Variants in PIK3C2B observed in about 807,000 individuals in gnomAD.
PIK3C2B encodes the protein phosphatidylinositol-4-phosphate 3-kinase catalytic subunit type 2 beta, also known as phosphatidylinositol 4-phosphate 3-kinase C2 domain-containing subunit beta.
In PIK3C2B, 83 loss-of-function variants were observed where a neutral mutation model predicts 184.3. That is an observed-to-expected ratio of 0.45 (90% CI 0.38 to 0.54). The LOEUF (loss-of-function observed/expected upper bound fraction) is 0.54, where lower values mean the gene tolerates loss of function less well. Ranked by LOEUF, PIK3C2B falls within the 20% of genes least tolerant of loss-of-function variation. The pLI is 0.00. For synonymous variants in PIK3C2B, 779 were observed against 837.6 expected, an observed-to-expected ratio of 0.93 and a Z score of 1.21; for missense variants, 1,736 against 2,113.5, an observed-to-expected ratio of 0.82 and a Z score of 3.50.
Position 204,432,667 on chromosome 1 carries a change from AACTC to A in PIK3C2B, c.3954-270_3954-267del, listed in dbSNP as rs551266188. On this transcript the variant is annotated intron_variant, in intron 26 of 32. Transcript: ENST00000684373. ...CAAACCAAGGTAGAAAGGAACTAGG[AACTC>A]ACTCTCTCTGTGTAAATGTCTAAAT... Among the ~76,000 whole-genome samples, 9 of 152,336 alleles carry A rather than the reference AACTC, an allele frequency of 5.9e-5. No individual in the cohort carries two copies. In the South Asian group the frequency reaches 1.7e-3, roughly 28 times the overall value.
At chr1:204,435,291 T>C (rs1675282268) in intron 23 of PIK3C2B, 1 of 152,118 alleles carries the variant, frequency 6.6e-6, no homozygotes, top group South Asian at 2.1e-4. Context: ...GTTGACTCCA[T>C]CTTATTTTGT....
rs945138969 is a variant in PIK3C2B, at chr1:204,447,174, G to A, written c.2489+262C>T. On this transcript the variant is annotated intron_variant, in intron 15 of 32. Transcript: ENST00000684373. This position sits in a 1 kb window ranked among gnomAD's most constrained non-coding sequence, Gnocchi z 4.1. ...TAGCACATCTGGGATGTGGGGCAGA[G>A]CTCTGGTCCTCCTGGGTAGCTGAGT... Among the ~76,000 whole-genome samples, 1 of 152,190 alleles carries A rather than the reference G, an allele frequency of 6.6e-6. No homozygotes were observed. The highest frequency in any genetic ancestry group is 2.4e-5 in the African/African-American group (1 of 41,440).
At chr1:204,446,236 A>T (rs1043690799) in intron 15 of PIK3C2B, 92 bp from the exon 16 acceptor site, 2 of 840,890 alleles carry the variant, frequency 2.4e-6, no homozygotes, top group Non-Finnish European at 3.7e-6. Context: ...CTTACCCTCA[A>T]GGGAGTGCTG....
chr1:204,461,471 A>T (rs1286561370), intron 5 of PIK3C2B, among the ~76,000 whole-genome samples: 1 of 152,130 alleles, frequency 6.6e-6, no homozygotes, highest in Non-Finnish European at 1.5e-5. Flanking sequence ...TGGCCTCAGC[A>T]GCTGGGTAAC....
chr1:204,475,024 G>A (rs1656608365), intron 1 of PIK3C2B, among the ~76,000 whole-genome samples: 2 of 151,894 alleles, frequency 1.3e-5, no homozygotes, highest in Non-Finnish European at 1.5e-5. Context: ...CCTAACTGTG[G>A]TTGCCCTAAT....
intron 12 of PIK3C2B, 80 bp downstream of exon 12, chr1:204,454,568 TTTATCATTAGTCCTGGACTAG>T: frequency 8.1e-7 from 1 of 1,237,054 alleles, no homozygotes; most frequent in South Asian, 1.5e-5. Flanking sequence ...GGAGCCTGGT[TTTATCATTAGTCCTGGACTAG>T]TTATCTGGCC....
intron 1 of PIK3C2B, among the ~76,000 whole-genome samples, chr1:204,480,059 A>G (rs1404387441): frequency 6.6e-6 from 1 of 152,110 alleles, no homozygotes; most frequent in East Asian, 1.9e-4. Flanking sequence ...GCAAGGAGCA[A>G]GGAGGCAGTG....
intron 2 of PIK3C2B, chr1:204,467,032 C>A (rs779294945): frequency 2.2e-6 from 1 of 456,872 alleles, no homozygotes; most frequent in Non-Finnish European, 4.5e-6. Context: ...AGGACCAAGG[C>A]CGCATTTCCC....
Position 204,464,599 on chromosome 1 carries a change from C to G in PIK3C2B, c.1040G>C (p.Arg347Pro). 1 of 1,613,694 alleles carries G rather than the reference C, an allele frequency of 6.2e-7. No individual in the cohort carries two copies. The highest frequency in any genetic ancestry group is 8.5e-7 in the Non-Finnish European group (1 of 1,179,832). ...GTAGTCTTGGATGTCAGAGCCAGATCGAAGGCTGTACAGGAAGAAAAAAAA... is the reference window on the plus strand; with the variant it reads ...GTAGTCTTGGATGTCAGAGCCAGATGGAAGGCTGTACAGGAAGAAAAAAAA... ...AAFCHMLDIL[R>P]SGSDIQDYFL... Residue 347 changes from arginine (R) to proline (P), a missense_variant, in exon 4 of 33, where the codon CGA (arginine) becomes CCA (proline). Arg to Pro is a moderately radical substitution (Grantham distance 103). Transcript: ENST00000684373.
In PIK3C2B at chr1:204,471,748, A is replaced by C. The variant is rs528377140; in HGVS notation, c.-84-1862T>G. 5.3e-5 allele frequency among the ~76,000 whole-genome samples: 8 copies of C among 152,368 alleles called. No individual in the cohort carries two copies. In the East Asian group the frequency reaches 1.5e-3, roughly 29 times the overall value. ...ATTCTCACATGTCAAAACTTATCAA[A>C]TTACACACTTTCAATCTGTATATTT... is the stretch of plus-strand genomic sequence containing the variant. On this transcript the variant is annotated intron_variant, in intron 1 of 32. Transcript: ENST00000684373.
chr1:204,490,818 G>A lies in PIK3C2B; in HGVS notation c.-85+3538C>T, dbSNP rs148484526. 6.0e-3 allele frequency among the ~76,000 whole-genome samples: 905 copies of A among 149,996 alleles called. 5 individuals carry two copies. The highest frequency in any genetic ancestry group is 9.4e-3 in the Non-Finnish European group (639 of 67,674). ...CCCTCAAGTTTCATTTTATAAAACA[G>A]ATGCAAAATAAAGCAGATATGAAAA... is the stretch of plus-strand genomic sequence containing the variant. On this transcript the variant is annotated intron_variant, in intron 1 of 32. Coordinates refer to ENST00000684373, the MANE Select transcript of PIK3C2B (RefSeq NM_001377334.1).
At chr1:204,446,197 G>C in intron 15 of PIK3C2B, 53 bp from the exon 16 acceptor site, 1 of 1,325,934 alleles carries the variant, frequency 7.5e-7, no homozygotes, top group Admixed American at 2.2e-5. Context: ...GGCAGTGAGA[G>C]AGAACAGCAT....
At chr1:204,451,916 T>G (rs535732569) in intron 12 of PIK3C2B, among the ~76,000 whole-genome samples, 1 of 152,264 alleles carries the variant, frequency 6.6e-6, no homozygotes, top group Non-Finnish European at 1.5e-5. Flanking sequence ...TCCTGTAGGG[T>G]AGGCCCTATT....
At chr1:204,489,200 C>G (rs1398148) in intron 1 of PIK3C2B, among the ~76,000 whole-genome samples, 94,273 of 151,992 alleles carry the variant, frequency 0.62, 31,089 homozygotes, top group Non-Finnish European at 0.72. Context: ...ACCCAGGCTA[C>G]AGTGAAACCT....
At chr1:204,454,988 T>C (rs1654709136) in intron 11 of PIK3C2B, among the ~76,000 whole-genome samples, 197 bp from the exon 12 acceptor site, 1 of 152,140 alleles carries the variant, frequency 6.6e-6, no homozygotes, top group South Asian at 2.1e-4. Context: ...TCAATCTAGA[T>C]TCCTCTGCTC....
intron 10 of PIK3C2B, 26 bp from the exon 11 acceptor site, chr1:204,456,077 A>G: frequency 6.3e-7 from 1 of 1,599,996 alleles, no homozygotes; most frequent in Non-Finnish European, 8.5e-7. Context: ...GTCAGAAGGG[A>G]AAGTCATGAG....
chr1:204,449,344 G>A (rs760818501), intron 13 of PIK3C2B, 48 bp from the exon 14 acceptor site: 1 of 1,385,976 alleles, frequency 7.2e-7, no homozygotes, highest in Admixed American at 1.9e-5. Flanking sequence ...GCTAAGCAGA[G>A]AATATTTCTA....
At chr1:204,470,168 C>CTTT (rs34940315) in intron 1 of PIK3C2B, among the ~76,000 whole-genome samples, 47 of 138,188 alleles carry the variant, frequency 3.4e-4, no homozygotes, top group African/African-American at 1.1e-3. Context: ...AGAGAGGCAC[C>CTTT]TTTTTTTTTT....
rs1656087800 is a variant in PIK3C2B, at chr1:204,469,199, G to C, written c.604C>G (p.Leu202Val). The stretch of plus-strand genomic sequence containing the variant: ...TCTTCTAGGATCCGATGCTCTAGCA[G>C]TTTGCCCGGCAATTGTTCGACCAAA... The part of the protein sequence containing the change: ...FSLVEQLPGK[L>V]LEHRILEEEE... Residue 202 changes from leucine (L) to valine (V), a missense_variant, in exon 2 of 33, where the codon CTG (leucine) becomes GTG (valine). Transcript: ENST00000684373. 6.2e-7 allele frequency: 1 copy of C among 1,612,046 alleles called. No homozygotes were observed. The highest frequency in any genetic ancestry group is 1.3e-5 in the African/African-American group (1 of 74,872).
Sources: allele counts gnomAD v4.1 joint callset (sites outside exome capture counted in the v4.1 genomes callset), GRCh38; gene constraint gnomAD v4.1.1; non-coding constraint Gnocchi (gnomAD v3.1); transcripts MANE v1.5; gene names NCBI Gene and HGNC (gene_info 2026-07-23, HGNC 2026-07-21).